The following CCNK variants were observed in gnomAD, a reference collection of about 807,000 sequenced individuals.
CCNK encodes cyclin-K.
In CCNK, 9 loss-of-function variants were observed where a neutral mutation model predicts 65.0. The observed-to-expected ratio is 0.14, with a 90% confidence interval of 0.08 to 0.24. CCNK has a LOEUF of 0.24. Among genes scored for constraint, CCNK ranks in the 10% least tolerant of loss-of-function variants. The pLI, the probability that CCNK is intolerant of heterozygous loss-of-function variation, is 1.00. For synonymous variants in CCNK, 279 were observed against 270.8 expected, an observed-to-expected ratio of 1.03 and a Z score of -0.30; for missense variants, 474 against 720.0, an observed-to-expected ratio of 0.66 and a Z score of 3.91.
At chr14:99,501,585 A>G in intron 6 of CCNK, 172 bp downstream of exon 6, 3 of 585,380 alleles carry the variant, frequency 5.1e-6, no homozygotes, top group Non-Finnish European at 9.0e-6. Flanking sequence ...GCTTCCCGGC[A>G]GAGGGTTTCC....
In CCNK at chr14:99,510,259, C is replaced by T. The variant is rs369022783; in HGVS notation, c.1220C>T (p.Pro407Leu). The T allele has an allele frequency of 5.1e-6, 8 of 1,555,718 alleles. No homozygotes were observed. The highest frequency in any genetic ancestry group is 2.3e-5 in the South Asian group (2 of 85,710). Residue 407 changes from proline (P) to leucine (L), a missense_variant, in exon 11 of 11, where the codon CCG (proline) becomes CTG (leucine). Transcript: ENST00000389879. ...PKVQIPPPAH[P>L]APVHQPPPLP... ...GTCCAGATTCCCCCTCCGGCCCACCCGGCCCCTGTGCACCAGCCACCGCCG... is the reference window on the plus strand; with the variant it reads ...GTCCAGATTCCCCCTCCGGCCCACCTGGCCCCTGTGCACCAGCCACCGCCG...
chr14:99,485,931 C>T (rs1398189912), intron 1 of CCNK, among the ~76,000 whole-genome samples: 1 of 152,202 alleles, frequency 6.6e-6, no homozygotes, highest in Non-Finnish European at 1.5e-5. Context: ...AGTTTCTACA[C>T]CTTCTGCCCT....
chr14:99,501,298 G>A, intron 5 of CCNK, 58 bp from the exon 6 acceptor site: 1 of 1,099,178 alleles, frequency 9.1e-7, no homozygotes, highest in South Asian at 1.2e-5. Flanking sequence ...ATAAATACTT[G>A]ATGCTGCCTG....
Position 99,510,283 on chromosome 14 carries a change from C to G in CCNK, c.1244C>G (p.Pro415Arg). Residue 415 changes from proline (P) to arginine (R), a missense_variant, in exon 11 of 11, where the codon CCG (proline) becomes CGG (arginine). Transcript: ENST00000389879. Reference protein sequence around the residue: ...AHPAPVHQPPPLPHRPPPPPP... With the variant: ...AHPAPVHQPPRLPHRPPPPPP... ...CCGGCCCCTGTGCACCAGCCACCGC[C>G]GCTGCCACACCGGCCCCCGCCCCCA... The G allele has an allele frequency of 3.2e-6, 5 of 1,566,654 alleles. No individual in the cohort carries two copies. Among genetic ancestry groups the G allele is most frequent in the Non-Finnish European group, 4.3e-6 (5 of 1,156,782 alleles).
chr14:99,508,279 T>C (rs1897025742), intron 10 of CCNK: 1 of 152,292 alleles, frequency 6.6e-6, no homozygotes, highest in African/African-American at 2.4e-5. Context: ...GAAGCATTTA[T>C]GGAGCACCTC....
At chr14:99,498,367 C>T (rs955537911) in intron 4 of CCNK, among the ~76,000 whole-genome samples, 5 of 152,238 alleles carry the variant, frequency 3.3e-5, no homozygotes, top group South Asian at 2.1e-4. Flanking sequence ...CTCTCTATCT[C>T]GCGCAGTCTT....
intron 1 of CCNK, among the ~76,000 whole-genome samples, chr14:99,490,981 A>T (rs1369144534): frequency 6.6e-6 from 1 of 151,624 alleles, no homozygotes; most frequent in Non-Finnish European, 1.5e-5. Context: ...TCTTACATAG[A>T]TGCTAACATA....
chr14:99,489,662 G>A (rs531439038), intron 1 of CCNK, among the ~76,000 whole-genome samples: 2 of 152,140 alleles, frequency 1.3e-5, no homozygotes, highest in African/African-American at 2.4e-5. Flanking sequence ...GTGTGATTTT[G>A]TTGCCCATTT....
At chr14:99,495,409 A>G (rs748521786) in intron 3 of CCNK, 89 bp from the exon 4 acceptor site, 79 of 1,164,006 alleles carry the variant, frequency 6.8e-5, no homozygotes, top group Non-Finnish European at 8.0e-5. Context: ...AATGAGGAAG[A>G]CCAGTTTATT....
intron 1 of CCNK, among the ~76,000 whole-genome samples, chr14:99,484,588 TA>T (rs1896437194): frequency 6.6e-6 from 1 of 152,356 alleles, no homozygotes; most frequent in Non-Finnish European, 1.5e-5. Flanking sequence ...AAAGAGTCGC[TA>T]AAAGGTAGAT....
At chr14:99,487,073 G>A (rs759670744) in intron 1 of CCNK, among the ~76,000 whole-genome samples, 3 of 152,210 alleles carry the variant, frequency 2.0e-5, no homozygotes, top group Non-Finnish European at 4.4e-5. Flanking sequence ...TTAGGCGTAT[G>A]TATATTAAAG....
chr14:99,499,127 C>A (rs1896763934), intron 4 of CCNK, among the ~76,000 whole-genome samples: 1 of 152,216 alleles, frequency 6.6e-6, no homozygotes, highest in Non-Finnish European at 1.5e-5. Flanking sequence ...GCAGCCTCTG[C>A]CGCCCAGGCT....
Position 99,510,796 on chromosome 14 carries a change from T to TC in CCNK, c.*17dup. The TC allele has an allele frequency of 2.1e-6, 3 of 1,413,112 alleles. No individual in the cohort carries two copies. Among genetic ancestry groups the TC allele is most frequent in the South Asian group, 1.9e-5 (1 of 52,034 alleles). 87.5% of individuals were successfully genotyped at this position (1,413,112 alleles called of 1,614,324 possible). A position where few individuals can be genotyped will look rare whatever the true frequency, so the allele number is the denominator to read the frequency against. On this transcript the variant is annotated 3_prime_UTR_variant, in exon 11 of 11. Transcript: ENST00000389879. ...TGGATGAGATAACGTGAGCCTTTTT[T>TC]CCCTCTTTGTTTTTTTAACAAGATT...
intron 4 of CCNK, chr14:99,500,184 A>T (rs1896788378): frequency 6.6e-6 from 1 of 152,212 alleles, no homozygotes; most frequent in Non-Finnish European, 1.5e-5. Context: ...TCATTTATTC[A>T]GTAAGTGTTG....
At chr14:99,482,009 G>A (rs895461152) in intron 1 of CCNK, among the ~76,000 whole-genome samples, 3 of 152,176 alleles carry the variant, frequency 2.0e-5, no homozygotes, top group East Asian at 3.9e-4. Flanking sequence ...CCCAGACATC[G>A]TCTTTACGGA....
chr14:99,501,156 A>C, intron 5 of CCNK, 200 bp from the exon 6 acceptor site: 2 of 605,748 alleles, frequency 3.3e-6, no homozygotes, highest in Non-Finnish European at 5.8e-6. Flanking sequence ...GGTTTTCCAT[A>C]CATGGTGGTT....
intron 4 of CCNK, among the ~76,000 whole-genome samples, chr14:99,496,759 T>C (rs971896777): frequency 6.6e-6 from 1 of 150,790 alleles, no homozygotes; most frequent in South Asian, 2.1e-4. Flanking sequence ...AAACCTTTAT[T>C]ATTTTTTGCT....
In CCNK at chr14:99,501,391, G is replaced by A; in HGVS notation, c.553G>A (p.Ala185Thr). 1 of 1,605,524 alleles carries A rather than the reference G, an allele frequency of 6.2e-7. No homozygotes were observed. The change falls in exon 6 of 11, where the codon GCA (alanine) becomes ACA (threonine). Residue 185 changes from alanine (A) to threonine (T), a missense_variant. This residue lies in a region of CCNK where 67 missense variants were observed against 150.2 expected (regional missense o/e 0.45). Coordinates refer to ENST00000389879, the MANE Select transcript of CCNK (RefSeq NM_001099402.2). The part of the protein sequence containing the change: ...KNKIQKLVQM[A>T]WTFVNDSLCT... Reference sequence around the variant, plus strand: ...CAAAATTCAAAAGTTGGTTCAAATGGCATGGACATTTGTAAATGACAGGTA... The same window carrying A: ...CAAAATTCAAAAGTTGGTTCAAATGACATGGACATTTGTAAATGACAGGTA...
At chr14:99,508,445 C>T (rs1334976272) in intron 10 of CCNK, 2 of 152,452 alleles carry the variant, frequency 1.3e-5, no homozygotes, top group Non-Finnish European at 2.9e-5. Flanking sequence ...TGCTCCCTCC[C>T]CCATTACAGA....
Sources: allele counts gnomAD v4.1 joint callset (sites outside exome capture counted in the v4.1 genomes callset), GRCh38; gene constraint gnomAD v4.1.1; regional missense constraint gnomAD v4.1.1; transcripts MANE v1.5; gene names NCBI Gene and HGNC (gene_info 2026-07-23, HGNC 2026-07-21).